The following CHD9 variants were observed in gnomAD, a reference collection of about 807,000 sequenced individuals.
CHD9 encodes chromodomain helicase DNA binding protein 9.
Under a neutral mutation model 316.1 loss-of-function variants are expected in CHD9, and 77 were observed. The observed-to-expected ratio is 0.24, with a 90% CI of 0.20 to 0.29. The LOEUF (loss-of-function observed/expected upper bound fraction) is 0.29, where lower values mean the gene tolerates loss of function less well. Among genes scored for constraint, CHD9 ranks in the 10% least tolerant of loss-of-function variants. CHD9 has a pLI of 1.00. For missense variants in CHD9, 2,763 were observed against 3,438.1 expected (o/e 0.80, Z 4.91); for synonymous variants, 1,129 against 1,158.3 (o/e 0.97, Z 0.51).
Position 53,245,434 on chromosome 16 carries a change from A to G in CHD9, c.3153A>G (p.Glu1051=). The G allele has an allele frequency of 6.2e-7, 1 of 1,605,730 alleles. No individual in the cohort carries two copies. Among genetic ancestry groups the G allele is most frequent in the Non-Finnish European group, 8.5e-7 (1 of 1,177,516 alleles). Residue 1051 remains glutamate (E), a synonymous_variant, in exon 14 of 39, where the codon GAA becomes GAG. Transcript: ENST00000447540. The surrounding 1 kb of genome is among the most constrained non-coding windows in gnomAD (Gnocchi z 4.1). ...TTGAACCCTTAAGGTTTCCTTCTGA[A>G]TCAACATTTATGCAAGAATTTGGGG... is the stretch of plus-strand genomic sequence containing the variant. ...HFLEPLRFPS[E]STFMQEFGDL... is the part of the protein sequence containing the mutation.
chr16:53,241,159 T>C (rs2049049986), intron 12 of CHD9, among the ~76,000 whole-genome samples: 1 of 152,212 alleles, frequency 6.6e-6, no homozygotes, highest in South Asian at 2.1e-4. Context: ...AATTAAAATC[T>C]AAGAACACCC....
rs1054722233 is a variant in CHD9 at position 53,141,550 on chromosome 16, T to G, written c.-164-14376T>G. Among the ~76,000 whole-genome samples the G allele has an allele frequency of 2.6e-5, 4 of 152,228 alleles. 1 individual carries two copies. The East Asian group carries it at 7.7e-4, about 29-fold the overall frequency. On this transcript the variant is annotated intron_variant, in intron 1 of 38. Coordinates refer to ENST00000447540, the MANE Select transcript of CHD9 (RefSeq NM_001308319.2). ...AATGATATGTTGTTGCTTAATGCTT[T>G]TGGATCTTAGCTTTTAGAATAATGT... is the stretch of plus-strand genomic sequence containing the variant.
chr16:53,164,963 A>T (rs1442575107), intron 2 of CHD9, among the ~76,000 whole-genome samples: 1 of 152,084 alleles, frequency 6.6e-6, no homozygotes, highest in Non-Finnish European at 1.5e-5. Context: ...CCATGTTCTG[A>T]CATTTTTTAT....
intron 2 of CHD9, among the ~76,000 whole-genome samples, chr16:53,198,412 C>T (rs776805226): frequency 3.3e-5 from 5 of 150,836 alleles, no homozygotes; most frequent in Admixed American, 2.0e-4. Context: ...CTGCAACCTC[C>T]GCCTCCCGGG....
chr16:53,322,603 A>AG (rs1567691299), intron 38 of CHD9, among the ~76,000 whole-genome samples: 1 of 152,068 alleles, frequency 6.6e-6, no homozygotes, highest in African/African-American at 2.4e-5. Flanking sequence ...AAAAAAAAAA[A>AG]AAACATATCT....
intron 1 of CHD9, among the ~76,000 whole-genome samples, chr16:53,080,344 G>A (rs4784289): frequency 0.68 from 102,994 of 152,096 alleles, 35,655 homozygotes; most frequent in African/African-American, 0.76. Context: ...GCATACGCAA[G>A]GTGCGGCAAT....
At chr16:53,232,737 A>T (rs2048285926) in intron 10 of CHD9, among the ~76,000 whole-genome samples, 1 of 152,226 alleles carries the variant, frequency 6.6e-6, no homozygotes, top group Non-Finnish European at 1.5e-5. Flanking sequence ...TTTAAGCAGC[A>T]GTTAAAATAT....
At chr16:53,131,230 G>C (rs565110174) in intron 1 of CHD9, 1 of 151,408 alleles carries the variant, frequency 6.6e-6, no homozygotes, top group East Asian at 2.0e-4. Flanking sequence ...GCGAGTGTCA[G>C]TCTCAGTCGA....
intron 11 of CHD9, among the ~76,000 whole-genome samples, chr16:53,235,670 G>A (rs1205316423): frequency 6.6e-6 from 1 of 152,088 alleles, no homozygotes; most frequent in Non-Finnish European, 1.5e-5. Flanking sequence ...TATACTTATA[G>A]GAATTAAAGC....
chr16:53,216,615 T>G (rs920730129), intron 3 of CHD9, among the ~76,000 whole-genome samples: 8 of 152,204 alleles, frequency 5.3e-5, no homozygotes, highest in African/African-American at 1.9e-4. Context: ...CTCAGAGTTT[T>G]TCTCAGAATC....
chr16:53,214,509 C>T (rs2046585242), intron 3 of CHD9, among the ~76,000 whole-genome samples: 1 of 151,400 alleles, frequency 6.6e-6, no homozygotes, highest in African/African-American at 2.4e-5. Context: ...TTAGGCATAC[C>T]ATTAGTAGTC....
chr16:53,291,904 G>T, intron 28 of CHD9, 137 bp downstream of exon 28: 1 of 487,750 alleles, frequency 2.1e-6, no homozygotes. Context: ...AATCGTTATA[G>T]GACATACTAG....
chr16:53,256,433 T>G (rs1382464853), intron 19 of CHD9, among the ~76,000 whole-genome samples: 1 of 142,840 alleles, frequency 7.0e-6, no homozygotes, highest in Non-Finnish European at 1.5e-5. Context: ...TCACACAGGC[T>G]GGAGTACAGT....
intron 2 of CHD9, among the ~76,000 whole-genome samples, chr16:53,207,620 A>G (rs1180684792): frequency 1.3e-5 from 2 of 151,574 alleles, no homozygotes; most frequent in East Asian, 3.8e-4. Flanking sequence ...GTTCATTTGC[A>G]TGACCTCTTT....
At chr16:53,111,135 A>G (rs978897135) in intron 1 of CHD9, among the ~76,000 whole-genome samples, 3 of 152,134 alleles carry the variant, frequency 2.0e-5, no homozygotes, top group Non-Finnish European at 2.9e-5. Flanking sequence ...TTGTCCCACA[A>G]ACTCACTGTG....
chr16:53,204,017 C>A (rs1184168566), intron 2 of CHD9, among the ~76,000 whole-genome samples: 1 of 115,698 alleles, frequency 8.6e-6, no homozygotes, highest in African/African-American at 3.5e-5. Flanking sequence ...GAGCAAGACT[C>A]CATCTCAAAA....
At chr16:53,317,633 G>A (rs2056981919) in intron 36 of CHD9, among the ~76,000 whole-genome samples, 1 of 152,144 alleles carries the variant, frequency 6.6e-6, no homozygotes, top group South Asian at 2.1e-4. Context: ...ACCTGGGACT[G>A]TAGGCGTACA....
chr16:53,303,122 C>T (rs2055599539), intron 30 of CHD9, among the ~76,000 whole-genome samples: 1 of 151,944 alleles, frequency 6.6e-6, no homozygotes, highest in African/African-American at 2.4e-5. Context: ...CAACCTGTGG[C>T]CCAGGACAGC....
intron 1 of CHD9, among the ~76,000 whole-genome samples, chr16:53,117,755 A>G (rs1597042911): frequency 6.6e-6 from 1 of 151,752 alleles, no homozygotes; most frequent in East Asian, 1.9e-4. Context: ...AACTTTCTGG[A>G]AGGGGGAATG....
Sources: gnomAD v4.1 joint callset for allele counts (sites outside exome capture counted in the v4.1 genomes callset) on GRCh38, gnomAD v4.1.1 for gene constraint, Gnocchi (gnomAD v3.1) non-coding constraint, MANE v1.5 for transcripts, NCBI Gene and HGNC (gene_info 2026-07-23, HGNC 2026-07-21) for gene names.